Variants in TPTE observed in about 807,000 individuals in gnomAD.
TPTE encodes the protein putative tyrosine-protein phosphatase TPTE.
In TPTE, 59 loss-of-function variants were observed where a neutral mutation model predicts 84.1. That is an observed-to-expected ratio of 0.70 (90% confidence interval 0.57 to 0.87). The LOEUF (loss-of-function observed/expected upper bound fraction) is 0.87, where lower values mean the gene tolerates loss of function less well. Among genes scored for constraint, TPTE ranks in the 40% least tolerant of loss-of-function variants. The pLI is 0.00. For synonymous variants in TPTE, 130 were observed against 223.5 expected (o/e 0.58, Z 3.73); for missense variants, 382 against 659.6 (o/e 0.58, Z 4.61).
chr21:10,603,272 G>T (rs1341396512), intron 22 of TPTE, among the ~76,000 whole-genome samples: 2 of 152,312 alleles, frequency 1.3e-5, no homozygotes, highest in Non-Finnish European at 2.9e-5. Flanking sequence ...GAGTCTGTTT[G>T]GCACTATCTA....
At chr21:10,546,871 G>A (rs1200880132) in intron 7 of TPTE, among the ~76,000 whole-genome samples, 4 of 152,422 alleles carry the variant, frequency 2.6e-5, no homozygotes, top group African/African-American at 7.2e-5. Flanking sequence ...ACATAAAAGT[G>A]CAAGGTAAAC....
chr21:10,597,412 C>CTTTTTTTTT (rs146272836), intron 20 of TPTE, among the ~76,000 whole-genome samples: 10 of 139,888 alleles, frequency 7.1e-5, no homozygotes, highest in Non-Finnish European at 6.4e-5. Flanking sequence ...TTTCTTTTTT[C>CTTTTTTTTT]TTTTTTTTTT....
intron 3 of TPTE, among the ~76,000 whole-genome samples, chr21:10,537,626 C>T (rs373998027): frequency 2.9e-3 from 436 of 151,736 alleles, no homozygotes; most frequent in African/African-American, 9.6e-3. Flanking sequence ...TGCAGTGAAC[C>T]GAGATCCTGC....
intron 2 of TPTE, among the ~76,000 whole-genome samples, chr21:10,526,644 T>G (rs535060951): frequency 1.1e-4 from 17 of 152,414 alleles, no homozygotes; most frequent in African/African-American, 3.6e-4. Flanking sequence ...GGGAGTGTAT[T>G]ACCTTGATGA....
chr21:10,535,368 A>G lies in TPTE; in HGVS notation c.-43-3313A>G, dbSNP rs541245356. ...ATACACATACACACACAGAAACATAAAACAATGAAAGAGAAAGAGAAGTTG... is the reference window on the plus strand; with the variant it reads ...ATACACATACACACACAGAAACATAGAACAATGAAAGAGAAAGAGAAGTTG... On this transcript the variant is annotated intron_variant, in intron 3 of 23. Coordinates refer to ENST00000618007, the MANE Select transcript of TPTE (RefSeq NM_199261.4). 7.2e-5 allele frequency among the ~76,000 whole-genome samples: 11 copies of G among 152,422 alleles called. No individual in the cohort carries two copies. The East Asian group carries it at 2.1e-3, about 29-fold the overall frequency.
intron 2 of TPTE, among the ~76,000 whole-genome samples, chr21:10,527,077 G>T (rs1399259548): frequency 6.6e-6 from 1 of 152,298 alleles, no homozygotes; most frequent in Non-Finnish European, 1.5e-5. Context: ...CCGGGAACTA[G>T]CCATTGATAT....
chr21:10,592,340 C>T lies in TPTE; in HGVS notation c.1137C>T (p.Ser379=), dbSNP rs371388267. The change falls in exon 19 of 24, where the codon AGC becomes AGT. Residue 379 remains serine, a synonymous_variant. Coordinates refer to ENST00000618007, the MANE Select transcript of TPTE (RefSeq NM_199261.4). ...FGERRTDKTH[S]EKFQGVKTPS... is the part of the protein sequence containing the mutation. ...AAAGGCGAACAGATAAAACCCACAG[C>T]GAAAAATTTCAGGGAGTAAAAACTC... 30 of 1,612,972 alleles carry T rather than the reference C, an allele frequency of 1.9e-5. No homozygotes were observed. Among genetic ancestry groups the T allele is most frequent in the East Asian group, 1.3e-4 (6 of 44,838 alleles).
intron 17 of TPTE, among the ~76,000 whole-genome samples, chr21:10,581,225 A>G (rs2075265705): frequency 6.6e-6 from 1 of 152,308 alleles, no homozygotes; most frequent in African/African-American, 2.4e-5. Flanking sequence ...ATACTTAAGA[A>G]TATAGAGGTT....
intron 7 of TPTE, among the ~76,000 whole-genome samples, chr21:10,547,010 CA>C (rs1349490105): frequency 6.6e-6 from 1 of 152,310 alleles, no homozygotes; most frequent in Non-Finnish European, 1.5e-5. Flanking sequence ...AAGAAGATGC[CA>C]TCTAGGACTT....
At chr21:10,523,052 G>A (rs756153667) in intron 1 of TPTE, among the ~76,000 whole-genome samples, 9 of 152,300 alleles carry the variant, frequency 5.9e-5, no homozygotes, top group Non-Finnish European at 1.0e-4. Flanking sequence ...AGCAAACATA[G>A]TTATTCAGAG....
chr21:10,555,978 A>G (rs1000322138), intron 8 of TPTE, among the ~76,000 whole-genome samples: 5 of 152,308 alleles, frequency 3.3e-5, no homozygotes, highest in African/African-American at 1.2e-4. Context: ...CAATACTATT[A>G]TTCATGATTT....
chr21:10,549,137 T>G (rs532335889), intron 7 of TPTE, among the ~76,000 whole-genome samples: 1 of 152,416 alleles, frequency 6.6e-6, no homozygotes, highest in East Asian at 1.9e-4. Flanking sequence ...CTGAATAAAC[T>G]ACATGGAGAC....
At chr21:10,575,794 A>T (rs1327356687) in intron 14 of TPTE, among the ~76,000 whole-genome samples, 12 of 152,260 alleles carry the variant, frequency 7.9e-5, no homozygotes, top group African/African-American at 2.7e-4. Flanking sequence ...GACACTTCCC[A>T]AAAGAGACAT....
intron 10 of TPTE, among the ~76,000 whole-genome samples, chr21:10,565,273 T>G (rs1457129011): frequency 7.9e-5 from 12 of 152,418 alleles, no homozygotes; most frequent in African/African-American, 2.9e-4. Flanking sequence ...CAAATAAGAT[T>G]AAATACCTAG....
Position 10,570,533 on chromosome 21 carries a change from A to G in TPTE, c.779A>G (p.Tyr260Cys), listed in dbSNP as rs368392876. The change falls in exon 14 of 24, where the codon TAT (tyrosine) becomes TGT (cysteine). Residue 260 changes from tyrosine to cysteine, a missense_variant. Tyr to Cys is a radical substitution (Grantham distance 194, BLOSUM62 -2). This residue lies in a region of TPTE where 85 missense variants were observed against 230.9 expected (regional missense o/e 0.37). Transcript: ENST00000618007. ...CCATCTTCTGGAAGGCAGTCTTTCTATAGAAATCCAATCAAGGTAAGGGTC... is the reference window on the plus strand; with the variant it reads ...CCATCTTCTGGAAGGCAGTCTTTCTGTAGAAATCCAATCAAGGTAAGGGTC... ...SFPSSGRQSF[Y>C]RNPIKEVVRF... 87 of 1,613,786 alleles carry G rather than the reference A, an allele frequency of 5.4e-5. No individual in the cohort carries two copies. Among genetic ancestry groups the G allele is most frequent in the South Asian group, 2.7e-4 (25 of 91,038 alleles).
Position 10,528,574 on chromosome 21 carries a change from G to A in TPTE, c.-44+1162G>A, listed in dbSNP as rs571176485. ...CATTTGATGTTTGAAGTAAAATGCA[G>A]CAACCTTACATAGAGCTTTATAATA... is the stretch of plus-strand genomic sequence containing the variant. On this transcript the variant is annotated intron_variant, in intron 3 of 23. Coordinates refer to ENST00000618007, the MANE Select transcript of TPTE (RefSeq NM_199261.4). Among the ~76,000 whole-genome samples, 5 of 152,430 alleles carry A rather than the reference G, an allele frequency of 3.3e-5. No individual in the cohort carries two copies. The East Asian group carries it at 7.7e-4, about 23-fold the overall frequency.
chr21:10,563,174 G>C (rs2074843319), intron 10 of TPTE, among the ~76,000 whole-genome samples: 1 of 152,312 alleles, frequency 6.6e-6, no homozygotes, highest in African/African-American at 2.4e-5. Flanking sequence ...ATCCTTCAAA[G>C]TGAAGGGGAA....
intron 8 of TPTE, among the ~76,000 whole-genome samples, chr21:10,558,847 A>G (rs1220564496): frequency 2.2e-4 from 33 of 152,402 alleles, no homozygotes; most frequent in African/African-American, 7.7e-4. Context: ...GTCTCCAGCC[A>G]TAAGGTAAAA....
At chr21:10,523,792 T>C (rs986814359) in intron 1 of TPTE, among the ~76,000 whole-genome samples, 3 of 152,310 alleles carry the variant, frequency 2.0e-5, no homozygotes, top group African/African-American at 7.2e-5. Context: ...GCATGATTTA[T>C]AGTCCTTTGG....
Sources: allele counts gnomAD v4.1 joint callset (sites outside exome capture counted in the v4.1 genomes callset), GRCh38; gene constraint gnomAD v4.1.1; regional missense constraint gnomAD v4.1.1; transcripts MANE v1.5; gene names NCBI Gene and HGNC (gene_info 2026-07-23, HGNC 2026-07-21).